POGZ: variants seen among roughly 807,000 people sequenced by gnomAD.
POGZ encodes pogo transposable element with ZNF domain.
POGZ carries 17 observed loss-of-function variants against 134.6 expected under a neutral mutation model. That is an observed-to-expected ratio of 0.13 (90% CI 0.09 to 0.19). The LOEUF is 0.19. Among genes scored for constraint, POGZ ranks in the 10% least tolerant of loss-of-function variants. The pLI is 1.00. For synonymous variants in POGZ, 693 were observed against 657.1 expected (o/e 1.05, Z -0.84); for missense variants, 1,306 against 1,769.7 (o/e 0.74, Z 4.70).
chr1:151,447,188 C>T (rs991026553), intron 1 of POGZ, among the ~76,000 whole-genome samples: 7 of 151,946 alleles, frequency 4.6e-5, no homozygotes, highest in African/African-American at 1.2e-4. Flanking sequence ...GAGTTTGAGA[C>T]CAGCCTGGCC....
rs747219419 is a variant in POGZ, at chr1:151,403,580, T to C, written c.*1222A>G. 129 of 985,644 alleles carry C rather than the reference T, an allele frequency of 1.3e-4. No individual in the cohort carries two copies. Among genetic ancestry groups the C allele is most frequent in the South Asian group, 4.7e-4 (10 of 21,278 alleles). The allele number at this position is 985,644 out of a possible 1,614,324, so 61.1% of individuals were successfully genotyped here. A position where few individuals can be genotyped will look rare whatever the true frequency, so the allele number is the denominator to read the frequency against. ...CAATTAAAAAAATCCCTCATGCAAA[T>C]TGTAGAAAAAATTTTCTTTCCTTGA... On this transcript the variant is annotated 3_prime_UTR_variant, in exon 19 of 19. Transcript: ENST00000271715.
chr1:151,403,115 T>C lies in POGZ; in HGVS notation c.*1687A>G. On this transcript the variant is annotated 3_prime_UTR_variant, in exon 19 of 19. Coordinates refer to ENST00000271715, the MANE Select transcript of POGZ (RefSeq NM_015100.4). ...GAAGCCCAGATGGATCCTTGGTTGT[T>C]TTCAGATGTCAAAGGTTCACAAAGC... The C allele has an allele frequency of 1.6e-6, 1 of 607,234 alleles. No individual in the cohort carries two copies. Among genetic ancestry groups the C allele is most frequent in the Non-Finnish European group, 2.1e-6 (1 of 484,460 alleles). The allele number at this position is 607,234 out of a possible 1,614,324, so 37.6% of individuals were successfully genotyped here.
At chr1:151,429,766 G>C (rs1658391053) in intron 4 of POGZ, 55 bp from the exon 5 acceptor site, 1 of 983,958 alleles carries the variant, frequency 1.0e-6, no homozygotes, top group Non-Finnish European at 1.6e-6. Flanking sequence ...CACTGACAAA[G>C]ATTGCAGTAT....
chr1:151,421,001 A>ATAT (rs1167813337), intron 10 of POGZ, among the ~76,000 whole-genome samples: 1 of 149,732 alleles, frequency 6.7e-6, no homozygotes, highest in Non-Finnish European at 1.5e-5. Flanking sequence ...ATATATATAT[A>ATAT]TATATACCTA....
chr1:151,443,143 A>G (rs1393702117), intron 1 of POGZ, among the ~76,000 whole-genome samples: 1 of 152,188 alleles, frequency 6.6e-6, no homozygotes. Flanking sequence ...TTTAAAATAG[A>G]TATTCTGTTC....
chr1:151,414,711 G>A (rs1018241945), intron 10 of POGZ, among the ~76,000 whole-genome samples: 2 of 152,216 alleles, frequency 1.3e-5, no homozygotes, highest in African/African-American at 4.8e-5. Context: ...GAAGCTGGGA[G>A]GCAGAGGCTG....
intron 1 of POGZ, among the ~76,000 whole-genome samples, chr1:151,455,532 TTTTG>T (rs137952171): frequency 2.8e-4 from 42 of 152,372 alleles, no homozygotes; most frequent in East Asian, 2.1e-3. Context: ...GCCAAAGATC[TTTTG>T]TTTATGTGAA....
Position 151,405,320 on chromosome 1 carries a change from C to T in POGZ, c.3715G>A (p.Val1239Ile). ...CTAGAGGCACTAAGCATAGCCAGTACCTCTTCTGACAAGTGAGTGCGATGA... is the reference window on the plus strand; with the variant it reads ...CTAGAGGCACTAAGCATAGCCAGTATCTCTTCTGACAAGTGAGTGCGATGA... ...DCHRTHLSEE[V>I]LAMLSASSTL... Residue 1239 changes from valine to isoleucine, a missense_variant, in exon 19 of 19, where the codon GTA becomes ATA. Transcript: ENST00000271715. This position sits in a 1 kb window ranked among gnomAD's most constrained non-coding sequence, Gnocchi z 4.9. 1 of 1,614,236 alleles carries T rather than the reference C, an allele frequency of 6.2e-7. No homozygotes were observed. Among genetic ancestry groups the T allele is most frequent in the African/African-American group, 1.3e-5 (1 of 75,072 alleles).
At chr1:151,455,453 T>C (rs1390423584) in intron 1 of POGZ, among the ~76,000 whole-genome samples, 2 of 152,242 alleles carry the variant, frequency 1.3e-5, no homozygotes, top group African/African-American at 2.4e-5. Context: ...ATTTGAATGA[T>C]GTAAAGAGCA....
At chr1:151,443,462 G>A (rs1029508307) in intron 1 of POGZ, among the ~76,000 whole-genome samples, 2 of 152,236 alleles carry the variant, frequency 1.3e-5, no homozygotes, top group African/African-American at 2.4e-5. Context: ...CACTTTGGGA[G>A]GCCGAGGTGG....
intron 3 of POGZ, among the ~76,000 whole-genome samples, chr1:151,434,770 G>A (rs1659301917): frequency 6.6e-6 from 1 of 151,914 alleles, no homozygotes; most frequent in Non-Finnish European, 1.5e-5. Flanking sequence ...TTTTAGTAGA[G>A]ACGGGGTTTT....
Position 151,424,147 on chromosome 1 carries a change from G to A in POGZ, c.1325C>T (p.Pro442Leu), listed in dbSNP as rs753582567. The A allele has an allele frequency of 6.2e-7, 1 of 1,614,144 alleles. No homozygotes were observed. Among genetic ancestry groups the A allele is most frequent in the Non-Finnish European group, 8.5e-7 (1 of 1,180,014 alleles). Residue 442 changes from proline to leucine, a missense_variant, in exon 9 of 19, where the codon CCT becomes CTT. Around this residue, in one of 10 missense-constraint regions of POGZ, gnomAD observed 541 missense variants for 680.5 expected, o/e 0.80. Coordinates refer to ENST00000271715, the MANE Select transcript of POGZ (RefSeq NM_015100.4). ...TACTTTGGTAGGCGGTGACAGAGCA[G>A]GAATAGGTGTAGAAGAGGGTGTGGA... ...VASTPSSTPI[P>L]ALSPPTKVPE...
At chr1:151,436,989 T>C (rs1314721508) in intron 3 of POGZ, among the ~76,000 whole-genome samples, 1 of 151,920 alleles carries the variant, frequency 6.6e-6, no homozygotes, top group Non-Finnish European at 1.5e-5. Flanking sequence ...AGGTCAGGAG[T>C]TTGAGACCAG....
At position 151,408,680 on chromosome 1, in the gene POGZ, G is replaced by A. The variant is rs1486782216; in HGVS notation, c.2061+14C>T. The A allele has an allele frequency of 1.2e-6, 2 of 1,612,002 alleles. No homozygotes were observed. Among genetic ancestry groups the A allele is most frequent in the South Asian group, 2.2e-5 (2 of 90,654 alleles). On this transcript the variant is annotated intron_variant, in intron 13 of 18. Transcript: ENST00000271715. The stretch of plus-strand genomic sequence containing the variant: ...CCTCCCTGGGCCTATAAAAGACACT[G>A]GCAAACTCTTTACCTTGGTGCCTGG...
At chr1:151,438,135 C>T (rs904210564) in intron 3 of POGZ, among the ~76,000 whole-genome samples, 1 of 151,298 alleles carries the variant, frequency 6.6e-6, no homozygotes, top group African/African-American at 2.4e-5. Flanking sequence ...TACTTGAACC[C>T]GGGAAGTGGA....
At chr1:151,448,937 C>G (rs1165841920) in intron 1 of POGZ, among the ~76,000 whole-genome samples, 2 of 152,174 alleles carry the variant, frequency 1.3e-5, no homozygotes, top group Admixed American at 6.5e-5. Flanking sequence ...ATAGACAGAT[C>G]ATGTCAAACA....
At chr1:151,416,401 A>G (rs1655700827) in intron 10 of POGZ, among the ~76,000 whole-genome samples, 1 of 151,918 alleles carries the variant, frequency 6.6e-6, no homozygotes, top group African/African-American at 2.4e-5. Flanking sequence ...ACTTGGAAGG[A>G]TGAGGCAGGA....
intron 1 of POGZ, among the ~76,000 whole-genome samples, chr1:151,451,331 TTTTA>T (rs1350388917): frequency 2.1e-5 from 3 of 145,796 alleles, no homozygotes; most frequent in Non-Finnish European, 4.6e-5. Context: ...TTTTATTTTT[TTTTA>T]AATTTTTTGA....
At chr1:151,407,212 G>A (rs1265636977) in intron 16 of POGZ, 23 bp downstream of exon 16, 1 of 1,535,410 alleles carries the variant, frequency 6.5e-7, no homozygotes, top group Admixed American at 1.8e-5. Flanking sequence ...AAATTAAGAT[G>A]CTGCCAATAA....
Sources: gnomAD v4.1 joint callset for allele counts (sites outside exome capture counted in the v4.1 genomes callset) on GRCh38, gnomAD v4.1.1 for gene constraint, gnomAD v4.1.1 regional missense constraint, Gnocchi (gnomAD v3.1) non-coding constraint, MANE v1.5 for transcripts, NCBI Gene and HGNC (gene_info 2026-07-23, HGNC 2026-07-21) for gene names.